UBAC2: variants seen among roughly 807,000 people sequenced by gnomAD.
UBAC2 encodes the protein UBA domain containing 2.
In UBAC2, 26 loss-of-function variants were observed where a neutral mutation model predicts 44.0. That is an observed-to-expected ratio of 0.59 (90% CI 0.43 to 0.82). The LOEUF (loss-of-function observed/expected upper bound fraction) is 0.82. UBAC2 is among the 40% of genes least tolerant of loss of function. The pLI is 0.00. For synonymous variants in UBAC2, 155 were observed against 154.3 expected (o/e 1.00, Z -0.04); for missense variants, 329 against 419.4 (o/e 0.78, Z 1.88).
intron 4 of UBAC2, among the ~76,000 whole-genome samples, chr13:99,284,958 G>A (rs2043999308): frequency 6.6e-6 from 1 of 152,102 alleles, no homozygotes; most frequent in African/African-American, 2.4e-5. Flanking sequence ...AGAATAAAAT[G>A]AGCCCTATTA....
chr13:99,378,248 T>G (rs1453784132), intron 8 of UBAC2, among the ~76,000 whole-genome samples: 1 of 152,214 alleles, frequency 6.6e-6, no homozygotes, highest in African/African-American at 2.4e-5. Context: ...AATATCTGGC[T>G]GGGCTCAGTG....
rs992364159 is a variant in UBAC2, at chr13:99,323,728, G to A, written c.561+5659G>A. Among the ~76,000 whole-genome samples the A allele has an allele frequency of 2.0e-5, 3 of 152,134 alleles. No homozygotes were observed. The East Asian group carries it at 5.8e-4, about 29-fold the overall frequency. ...CCTTTCCCACTCCTGACCACAGGGAGCCAGGACTAACTGGAAGAAGCCTTC... is the reference window on the plus strand; with the variant it reads ...CCTTTCCCACTCCTGACCACAGGGAACCAGGACTAACTGGAAGAAGCCTTC... On this transcript the variant is annotated intron_variant, in intron 6 of 8. Transcript: ENST00000403766.
Position 99,349,729 on chromosome 13 carries a change from T to C in UBAC2, c.807+9164T>C, listed in dbSNP as rs202060909. ...ACTTTTACTATTTCTTCTACTGCTATCTACTACGAACTTCAAAGAGGAACC... is the reference window on the plus strand; with the variant it reads ...ACTTTTACTATTTCTTCTACTGCTACCTACTACGAACTTCAAAGAGGAACC... On this transcript the variant is annotated intron_variant, in intron 7 of 8. Coordinates refer to ENST00000403766, the MANE Select transcript of UBAC2 (RefSeq NM_001144072.2). Among the ~76,000 whole-genome samples the C allele has an allele frequency of 2.6e-5, 4 of 152,340 alleles. No individual in the cohort carries two copies. The East Asian group carries it at 7.7e-4, about 29-fold the overall frequency.
intron 6 of UBAC2, among the ~76,000 whole-genome samples, chr13:99,318,591 C>CG (rs2138777476): frequency 6.6e-6 from 1 of 150,734 alleles, no homozygotes; most frequent in East Asian, 2.0e-4. Context: ...GAGGCTGAGG[C>CG]GGGCAGATCA....
chr13:99,323,621 C>T (rs141931004), intron 6 of UBAC2, among the ~76,000 whole-genome samples: 4 of 152,282 alleles, frequency 2.6e-5, no homozygotes, highest in African/African-American at 9.6e-5. Context: ...GTCCAATGTA[C>T]ACCCCACACA....
intron 4 of UBAC2, among the ~76,000 whole-genome samples, chr13:99,281,275 AT>A (rs556300180): frequency 1.7e-4 from 25 of 148,402 alleles, no homozygotes; most frequent in Middle Eastern, 3.4e-3. Flanking sequence ...GGGTTCAGTG[AT>A]TTTTTTTTTT....
chr13:99,333,179 C>G (rs1290131304), intron 6 of UBAC2, among the ~76,000 whole-genome samples: 1 of 152,152 alleles, frequency 6.6e-6, no homozygotes, highest in Non-Finnish European at 1.5e-5. Flanking sequence ...ATAACTGATG[C>G]TCTCTAAAAG....
At chr13:99,275,477 TTTG>T (rs2043869699) in intron 4 of UBAC2, among the ~76,000 whole-genome samples, 1 of 152,204 alleles carries the variant, frequency 6.6e-6, no homozygotes, top group Non-Finnish European at 1.5e-5. Flanking sequence ...CATTTATTGG[TTTG>T]TTGTTTTGGT....
At chr13:99,380,438 G>C (rs1354566836) in intron 8 of UBAC2, among the ~76,000 whole-genome samples, 2 of 152,178 alleles carry the variant, frequency 1.3e-5, no homozygotes, top group Admixed American at 6.5e-5. Flanking sequence ...GTCCACCAAA[G>C]AGCCCTACAG....
chr13:99,274,443 G>C (rs2043856992), intron 4 of UBAC2, among the ~76,000 whole-genome samples: 1 of 151,190 alleles, frequency 6.6e-6, no homozygotes, highest in South Asian at 2.1e-4. Context: ...TCCTGCCTCA[G>C]CCTCCCCAGT....
intron 6 of UBAC2, among the ~76,000 whole-genome samples, chr13:99,329,337 G>T (rs1340178644): frequency 6.6e-6 from 1 of 152,184 alleles, no homozygotes; most frequent in Non-Finnish European, 1.5e-5. Flanking sequence ...AAGGGGAAAA[G>T]AGTTAAGATT....
intron 8 of UBAC2, among the ~76,000 whole-genome samples, chr13:99,384,331 C>CA (rs35123648): frequency 4.0e-5 from 6 of 151,844 alleles, no homozygotes; most frequent in Admixed American, 6.5e-5. Flanking sequence ...AATATAAGTA[C>CA]AAAAAAAATG....
At chr13:99,209,472 C>G (rs1215200341) in intron 1 of UBAC2, among the ~76,000 whole-genome samples, 2 of 152,136 alleles carry the variant, frequency 1.3e-5, no homozygotes, top group Admixed American at 1.3e-4. Flanking sequence ...GTTTGATCAT[C>G]TTGTTTTGGT....
At chr13:99,277,689 C>T (rs533362256) in intron 4 of UBAC2, among the ~76,000 whole-genome samples, 110 of 152,242 alleles carry the variant, frequency 7.2e-4, no homozygotes, top group Non-Finnish European at 1.4e-3. Context: ...TGTCATCCTC[C>T]AGCATCACTC....
chr13:99,353,491 G>A (rs17575699), intron 7 of UBAC2, among the ~76,000 whole-genome samples: 14,654 of 152,210 alleles, frequency 0.096, 955 homozygotes, highest in Non-Finnish European at 0.15. Flanking sequence ...AAAAAAGAGC[G>A]AGGTACAGTC....
At chr13:99,339,538 A>G (rs2044852389) in intron 6 of UBAC2, among the ~76,000 whole-genome samples, 1 of 152,176 alleles carries the variant, frequency 6.6e-6, no homozygotes, top group African/African-American at 2.4e-5. Context: ...ATCAATTTAA[A>G]TTTTATTTTT....
intron 7 of UBAC2, among the ~76,000 whole-genome samples, chr13:99,358,943 T>G (rs1212813017): frequency 6.6e-6 from 1 of 152,138 alleles, no homozygotes; most frequent in Non-Finnish European, 1.5e-5. Context: ...ACACAGTGTT[T>G]GGGTTGGAGG....
chr13:99,201,228 G>A (rs2042792850), intron 1 of UBAC2: 1 of 1,428,740 alleles, frequency 7.0e-7, no homozygotes, highest in East Asian at 2.5e-5. Context: ...AAGTGGGCAG[G>A]TGCCCTGGTG....
chr13:99,373,757 G>A (rs1013263143), intron 8 of UBAC2, among the ~76,000 whole-genome samples: 1 of 152,176 alleles, frequency 6.6e-6, no homozygotes, highest in Non-Finnish European at 1.5e-5. Context: ...GATTCTAGAA[G>A]CTGGACAGAA....
Sources: allele counts gnomAD v4.1 joint callset (sites outside exome capture counted in the v4.1 genomes callset), GRCh38; gene constraint gnomAD v4.1.1; transcripts MANE v1.5; gene names NCBI Gene and HGNC (gene_info 2026-07-23, HGNC 2026-07-21).